The following WNT3A variants were observed in gnomAD, a reference collection of about 807,000 sequenced individuals.
WNT3A encodes Wnt family member 3A, also known as protein Wnt-3a.
In WNT3A, 17 loss-of-function variants were observed where a neutral mutation model predicts 37.0. That is an observed-to-expected ratio of 0.46 (90% confidence interval 0.31 to 0.69). The LOEUF (loss-of-function observed/expected upper bound fraction) is 0.69, where lower values mean the gene tolerates loss of function less well. Ranked by LOEUF, WNT3A falls within the 30% of genes least tolerant of loss-of-function variation. The pLI is 0.05. For missense variants in WNT3A, 411 were observed against 510.2 expected, an observed-to-expected ratio of 0.81 and a Z score of 1.87; for synonymous variants, 187 against 211.0, an observed-to-expected ratio of 0.89 and a Z score of 0.99.
At chr1:228,010,456 G>T (rs1462383431) in intron 1 of WNT3A, among the ~76,000 whole-genome samples, 3 of 152,182 alleles carry the variant, frequency 2.0e-5, no homozygotes, top group Admixed American at 1.3e-4. Context: ...GCCACCTCCT[G>T]CTTCCGTTCT....
At chr1:228,030,395 C>CAA (rs1231391017) in intron 2 of WNT3A, among the ~76,000 whole-genome samples, 3 of 100,000 alleles carry the variant, frequency 3.0e-5, no homozygotes, top group South Asian at 3.1e-4. Context: ...GACTCCATCT[C>CAA]AAAAAAAAAA....
rs2030243671 is a variant in WNT3A, at chr1:228,007,756, G to C, written c.71+557G>C. ...CCGGCGGCGGGGCGCACTGGGGGCC[G>C]GCCCTGGGCCCCGCGCGCCTCCCCG... On this transcript the variant is annotated intron_variant, in intron 1 of 3. Transcript: ENST00000284523. This position sits in a 1 kb window ranked among gnomAD's most constrained non-coding sequence, Gnocchi z 6.0. Among the ~76,000 whole-genome samples the C allele has an allele frequency of 6.6e-6, 1 of 150,770 alleles. No homozygotes were observed. The highest frequency in any genetic ancestry group is 6.6e-5 in the Admixed American group (1 of 15,148).
chr1:228,057,184 T>TA (rs553661196), intron 3 of WNT3A, among the ~76,000 whole-genome samples: 179 of 152,270 alleles, frequency 1.2e-3, no homozygotes, highest in African/African-American at 4.2e-3. Context: ...ATATGACACT[T>TA]AAAGTAGTCC....
intron 2 of WNT3A, among the ~76,000 whole-genome samples, chr1:228,027,696 G>A (rs1161892525): frequency 6.6e-6 from 1 of 152,122 alleles, no homozygotes; most frequent in African/African-American, 2.4e-5. Flanking sequence ...TGTATGCTTT[G>A]TGAATATTTT....
Position 228,059,339 on chromosome 1 carries a change from C to T in WNT3A, c.933C>T (p.Cys311=), listed in dbSNP as rs1389107086. 1.3e-6 allele frequency: 2 copies of T among 1,567,704 alleles called. No individual in the cohort carries two copies. The highest frequency in any genetic ancestry group is 3.7e-5 in the Admixed American group (2 of 54,604). ...GCATCGACGGCTGCGACCTGCTGTGCTGCGGCCGCGGCCACAACGCGCGAG... is the reference window on the plus strand; with the variant it reads ...GCATCGACGGCTGCGACCTGCTGTGTTGCGGCCGCGGCCACAACGCGCGAG... ...SHGIDGCDLL[C]CGRGHNARAE... The change falls in exon 4 of 4, where the codon TGC becomes TGT. Residue 311 remains cysteine, a synonymous_variant. Coordinates refer to ENST00000284523, the MANE Select transcript of WNT3A (RefSeq NM_033131.4).
chr1:228,060,600 A>G lies in WNT3A; in HGVS notation c.*1135A>G. 4.1e-6 allele frequency: 1 copy of G among 244,698 alleles called. No homozygotes were observed. Among genetic ancestry groups the G allele is most frequent in the Non-Finnish European group, 8.4e-6 (1 of 119,604 alleles). The allele number at this position is 244,698 out of a possible 1,614,324, so 15.2% of individuals were successfully genotyped here. A position where few individuals can be genotyped will look rare whatever the true frequency, so the allele number is the denominator to read the frequency against. ...TCCCACACCGTCAGGTACTCCTGCC[A>G]GGGAACTGGCCTGCTGCGCCCCAGG... On this transcript the variant is annotated 3_prime_UTR_variant, in exon 4 of 4. Coordinates refer to ENST00000284523, the MANE Select transcript of WNT3A (RefSeq NM_033131.4).
chr1:228,009,576 T>TG lies in WNT3A; in HGVS notation c.71+2383dup, dbSNP rs140495387. The stretch of plus-strand genomic sequence containing the variant: ...CCCAGTGGAACAGAGCAGGCTGGGG[T>TG]GGGGGGCCTCCCTGTAACTCCTCAC... On this transcript the variant is annotated intron_variant, in intron 1 of 3. Transcript: ENST00000284523. Among the ~76,000 whole-genome samples, 517 of 151,854 alleles carry TG rather than the reference T, an allele frequency of 3.4e-3. 11 individuals carry two copies. Among genetic ancestry groups the TG allele is most frequent in the East Asian group, 0.028 (145 of 5,114 alleles).
In WNT3A at chr1:228,059,284, G is replaced by A. The variant is rs768290043; in HGVS notation, c.878G>A (p.Arg293His). Residue 293 changes from arginine to histidine, a missense_variant, in exon 4 of 4, where the codon CGC (arginine) becomes CAC (histidine). Arg to His is a conservative substitution (Grantham distance 29, BLOSUM62 0). Coordinates refer to ENST00000284523, the MANE Select transcript of WNT3A (RefSeq NM_033131.4). Reference protein sequence around the residue: ...PNPETGSFGTRDRTCNVSSHG... With the variant: ...PNPETGSFGTHDRTCNVSSHG... Reference sequence around the variant, plus strand: ...CCTGAGACGGGCTCCTTCGGCACGCGCGACCGCACCTGCAACGTCAGCTCG... The same window carrying A: ...CCTGAGACGGGCTCCTTCGGCACGCACGACCGCACCTGCAACGTCAGCTCG... The A allele has an allele frequency of 1.9e-6, 3 of 1,592,260 alleles. No homozygotes were observed. The highest frequency in any genetic ancestry group is 2.2e-5 in the South Asian group (2 of 89,418).
chr1:228,015,443 A>C (rs2030496568), intron 1 of WNT3A, among the ~76,000 whole-genome samples: 1 of 151,868 alleles, frequency 6.6e-6, no homozygotes, highest in South Asian at 2.1e-4. Context: ...GGAAACATGG[A>C]CTCTTCCTGG....
At position 228,039,948 on chromosome 1, in the gene WNT3A, T is replaced by C. The variant is rs748793334; in HGVS notation, c.314-10708T>C. On this transcript the variant is annotated intron_variant, in intron 2 of 3. Coordinates refer to ENST00000284523, the MANE Select transcript of WNT3A (RefSeq NM_033131.4). The surrounding 1 kb of genome is among the most constrained non-coding windows in gnomAD (Gnocchi z 4.1). The stretch of plus-strand genomic sequence containing the variant: ...GTCCCTCAGAAAAGCCACTCAGGAG[T>C]CCCCTCTGGACCAACAGGCATGTCC... 4.9e-4 allele frequency among the ~76,000 whole-genome samples: 75 copies of C among 151,674 alleles called. No homozygotes were observed. Among genetic ancestry groups the C allele is most frequent in the Admixed American group, 8.5e-4 (13 of 15,228 alleles).
At chr1:228,013,608 C>T (rs1394863771) in intron 1 of WNT3A, among the ~76,000 whole-genome samples, 1 of 152,122 alleles carries the variant, frequency 6.6e-6, no homozygotes, top group Non-Finnish European at 1.5e-5. Flanking sequence ...GAAGGGTTGC[C>T]GACACCCAGG....
intron 1 of WNT3A, among the ~76,000 whole-genome samples, chr1:228,022,416 T>G (rs537167357): frequency 6.6e-6 from 1 of 152,328 alleles, no homozygotes; most frequent in African/African-American, 2.4e-5. Context: ...ACAGTGAGAT[T>G]CTGTCTCAAA....
intron 2 of WNT3A, among the ~76,000 whole-genome samples, chr1:228,041,562 C>T (rs913481517): frequency 9.9e-5 from 15 of 152,034 alleles, no homozygotes; most frequent in Non-Finnish European, 2.2e-4. Context: ...CACCATCCAT[C>T]AATTCATCAT....
chr1:228,043,794 C>T (rs574559024), intron 2 of WNT3A, among the ~76,000 whole-genome samples: 128 of 152,270 alleles, frequency 8.4e-4, no homozygotes, highest in Non-Finnish European at 1.6e-3. Flanking sequence ...CCCGTGCTCC[C>T]AGACATACCC....
At position 228,060,711 on chromosome 1, in the gene WNT3A, G is replaced by T. The variant is rs551259970; in HGVS notation, c.*1246G>T. 4.8e-4 allele frequency: 79 copies of T among 163,946 alleles called. No individual in the cohort carries two copies. Among genetic ancestry groups the T allele is most frequent in the Admixed American group, 4.1e-3 (69 of 16,770 alleles). 10.2% of individuals were successfully genotyped at this position (163,946 alleles called of 1,614,324 possible). ...TCCCTGCCCTCGGGTCTCCCCACCT[G>T]CACTCCATCCAGCTACAGGAGAGAT... is the stretch of plus-strand genomic sequence containing the variant. On this transcript the variant is annotated 3_prime_UTR_variant, in exon 4 of 4. Transcript: ENST00000284523.
At chr1:228,021,397 C>A (rs1246076149) in intron 1 of WNT3A, among the ~76,000 whole-genome samples, 1 of 152,212 alleles carries the variant, frequency 6.6e-6, no homozygotes, top group African/African-American at 2.4e-5. Flanking sequence ...GAGGTTGCCA[C>A]GGTGCTGACC....
chr1:228,009,491 A>T (rs765957426), intron 1 of WNT3A, among the ~76,000 whole-genome samples: 1 of 152,042 alleles, frequency 6.6e-6, no homozygotes, highest in Non-Finnish European at 1.5e-5. Flanking sequence ...TCCACCCCAG[A>T]TTAAGCATCA....
intron 2 of WNT3A, among the ~76,000 whole-genome samples, chr1:228,033,985 G>A (rs987628221): frequency 6.6e-6 from 1 of 152,114 alleles, no homozygotes; most frequent in Non-Finnish European, 1.5e-5. Context: ...AATGAGGCCA[G>A]GTGCAGTGGC....
chr1:228,053,565 A>C (rs2031605624), intron 3 of WNT3A, among the ~76,000 whole-genome samples: 1 of 152,220 alleles, frequency 6.6e-6, no homozygotes, highest in African/African-American at 2.4e-5. Flanking sequence ...TCACATACAT[A>C]CATCCACACT....
Sources: gnomAD v4.1 joint callset for allele counts (sites outside exome capture counted in the v4.1 genomes callset) on GRCh38, gnomAD v4.1.1 for gene constraint, Gnocchi (gnomAD v3.1) non-coding constraint, MANE v1.5 for transcripts, NCBI Gene and HGNC (gene_info 2026-07-23, HGNC 2026-07-21) for gene names.